Variants in AFG3L2 observed in about 807,000 individuals in gnomAD.
The protein encoded by AFG3L2 is AFG3 like matrix AAA peptidase subunit 2.
AFG3L2 carries 54 observed loss-of-function variants against 94.5 expected under a neutral mutation model. The ratio of observed to expected loss-of-function variants is 0.57; its 90% CI spans 0.46 to 0.72. AFG3L2 has a LOEUF of 0.72. Among genes scored for constraint, AFG3L2 ranks in the 30% least tolerant of loss-of-function variants. AFG3L2 has a pLI of 0.00. For synonymous variants in AFG3L2, 377 were observed against 365.5 expected (o/e 1.03, Z -0.36); for missense variants, 754 against 994.9 (o/e 0.76, Z 3.26).
intron 3 of AFG3L2, among the ~76,000 whole-genome samples, chr18:12,370,054 CAAA>C (rs796293157): frequency 2.8e-5 from 1 of 36,000 alleles, no homozygotes; most frequent in Non-Finnish European, 7.1e-5. Flanking sequence ...GACTCTGTCT[CAAA>C]AAAAAAAAAA....
In AFG3L2 at chr18:12,359,218, G is replaced by A. The variant is rs1908585048; in HGVS notation, c.753-275C>T. ...ATTAAAGACAACCCCCAAAGAAGAA[G>A]TTCTGATGAGAGAAGAATCACCTAA... is the stretch of plus-strand genomic sequence containing the variant. On this transcript the variant is annotated intron_variant, in intron 7 of 16. Coordinates refer to ENST00000269143, the MANE Select transcript of AFG3L2 (RefSeq NM_006796.3). Among the ~76,000 whole-genome samples the A allele has an allele frequency of 3.3e-5, 5 of 152,258 alleles. No homozygotes were observed. The South Asian group carries it at 8.3e-4, about 25-fold the overall frequency.
rs117182113 is a variant in AFG3L2, at chr18:12,329,645, G to T, written c.2314C>A (p.Leu772Ile). ...TTCCAGTCCTTAAGGCCTTCTGGAA[G>T]TGAGGTGTCCTCATCCAAGCTGCCA... ...GTGSLDEDTS[L>I]PEGLKDWNKE... The change falls in exon 17 of 17, where the codon CTT (leucine) becomes ATT (isoleucine). Residue 772 changes from leucine to isoleucine, a missense_variant. Coordinates refer to ENST00000269143, the MANE Select transcript of AFG3L2 (RefSeq NM_006796.3). 8.9e-5 allele frequency: 144 copies of T among 1,614,156 alleles called. No homozygotes were observed. Among genetic ancestry groups the T allele is most frequent in the Admixed American group, 5.0e-4 (30 of 60,014 alleles).
At chr18:12,376,815 C>A (rs1042328504) in intron 1 of AFG3L2, among the ~76,000 whole-genome samples, 154 bp downstream of exon 1, 2 of 152,238 alleles carry the variant, frequency 1.3e-5, no homozygotes, top group Non-Finnish European at 2.9e-5. Context: ...CTCCCGGGGC[C>A]GGCTGAGAGA....
intron 9 of AFG3L2, among the ~76,000 whole-genome samples, chr18:12,355,601 AATTTC>A (rs1908467554): frequency 6.6e-6 from 1 of 152,168 alleles, no homozygotes; most frequent in South Asian, 2.1e-4. Context: ...CATATTGTAT[AATTTC>A]ATTTACATGG....
intron 3 of AFG3L2, among the ~76,000 whole-genome samples, chr18:12,368,153 G>A (rs1047442868): frequency 2.0e-5 from 3 of 149,826 alleles, no homozygotes; most frequent in Non-Finnish European, 4.4e-5. Flanking sequence ...GGCAACAAGC[G>A]TGAAACTCCG....
chr18:12,369,726 A>AC (rs1568146436), intron 3 of AFG3L2, among the ~76,000 whole-genome samples: 1 of 148,910 alleles, frequency 6.7e-6, no homozygotes, highest in Admixed American at 6.7e-5. Flanking sequence ...AAAAAAAAAA[A>AC]GAAACTGAAT....
At chr18:12,337,589 A>C in intron 15 of AFG3L2, 54 bp from the exon 16 acceptor site, 1 of 1,563,840 alleles carries the variant, frequency 6.4e-7, no homozygotes, top group Non-Finnish European at 8.8e-7. Flanking sequence ...TAACCAGACA[A>C]AATCTACACA....
Position 12,348,228 on chromosome 18 carries a change from T to G in AFG3L2, c.1663+45A>C, listed in dbSNP as rs371926487. The G allele has an allele frequency of 4.2e-5, 64 of 1,523,164 alleles. No individual in the cohort carries two copies. The African/African-American group carries it at 7.8e-4, about 19-fold the overall frequency. The allele number at this position is 1,523,164 out of a possible 1,614,324, so 94.4% of individuals were successfully genotyped here. ...AACAGAGAAATCCCTGGCCTCAAAT[T>G]CATTTTATCAGCCTTTCCACTTGAG... is the stretch of plus-strand genomic sequence containing the variant. On this transcript the variant is annotated intron_variant, in intron 13 of 16. Coordinates refer to ENST00000269143, the MANE Select transcript of AFG3L2 (RefSeq NM_006796.3).
intron 10 of AFG3L2, 138 bp from the exon 11 acceptor site, chr18:12,351,551 T>TG: frequency 2.7e-6 from 2 of 728,470 alleles, no homozygotes; most frequent in African/African-American, 1.8e-5. Flanking sequence ...TGTTTTTTGT[T>TG]TTTTTTTTTT....
At chr18:12,348,464 T>C (rs1487563032) in intron 12 of AFG3L2, 81 bp from the exon 13 acceptor site, 3 of 1,066,484 alleles carry the variant, frequency 2.8e-6, no homozygotes, top group African/African-American at 1.6e-5. Flanking sequence ...GCCAAATCCA[T>C]AGTTAATTTT....
At position 12,329,774 on chromosome 18, in the gene AFG3L2, G is replaced by C. The variant is rs752028185; in HGVS notation, c.2185C>G (p.Leu729Val). Residue 729 changes from leucine (L) to valine (V), a missense_variant, in exon 17 of 17, where the codon CTG becomes GTG. Leu to Val is a conservative substitution (Grantham distance 32). Coordinates refer to ENST00000269143, the MANE Select transcript of AFG3L2 (RefSeq NM_006796.3). The part of the protein sequence containing the change: ...KKADVEKVAL[L>V]LLEKEVLDKN... Reference sequence around the variant, plus strand: ...TCTAATACTTCTTTTTCTAACAACAGAAGAGCAACCTGAAATATGAACAAT... The same window carrying C: ...TCTAATACTTCTTTTTCTAACAACACAAGAGCAACCTGAAATATGAACAAT... 2.7e-5 allele frequency: 44 copies of C among 1,613,318 alleles called. No homozygotes were observed. Among genetic ancestry groups the C allele is most frequent in the Non-Finnish European group, 3.6e-5 (42 of 1,179,310 alleles).
rs7229258 is a variant in AFG3L2 at position 12,348,000 on chromosome 18, C to T, written c.1663+273G>A. 0.11 allele frequency among the ~76,000 whole-genome samples: 16,716 copies of T among 152,210 alleles called. 1,062 individuals are homozygous for T. Among genetic ancestry groups the T allele is most frequent in the East Asian group, 0.22 (1,146 of 5,182 alleles). On this transcript the variant is annotated intron_variant, in intron 13 of 16. Coordinates refer to ENST00000269143, the MANE Select transcript of AFG3L2 (RefSeq NM_006796.3). Reference sequence around the variant, plus strand: ...GACACCTCGCTGCTGGCTGCCTGTGCAAGCAAAGCATTCGTGAGCTGCCAT... The same window carrying T: ...GACACCTCGCTGCTGGCTGCCTGTGTAAGCAAAGCATTCGTGAGCTGCCAT...
chr18:12,359,890 C>T (rs1205263642), intron 7 of AFG3L2, 37 bp downstream of exon 7: 4 of 1,610,888 alleles, frequency 2.5e-6, no homozygotes, highest in Non-Finnish European at 8.5e-7. Context: ...ACAGGCAGCA[C>T]AGTCAACAGT....
intron 14 of AFG3L2, chr18:12,343,664 C>G: frequency 5.3e-6 from 1 of 187,194 alleles, no homozygotes; most frequent in South Asian, 1.1e-4. Flanking sequence ...GAGATTTGGG[C>G]AGTTCCTGCT....
intron 13 of AFG3L2, among the ~76,000 whole-genome samples, chr18:12,346,123 T>C (rs1908126933): frequency 6.6e-6 from 1 of 152,190 alleles, no homozygotes; most frequent in Non-Finnish European, 1.5e-5. Flanking sequence ...CCCTCCAGCC[T>C]ACAGGTCCCT....
At chr18:12,376,881 G>T (rs1454568477) in intron 1 of AFG3L2, 88 bp downstream of exon 1, 1 of 1,057,542 alleles carries the variant, frequency 9.5e-7, no homozygotes, top group Non-Finnish European at 1.2e-6. Flanking sequence ...CCGGAGGGCG[G>T]GGGCCAGTGA....
chr18:12,363,300 T>C (rs978811051), intron 6 of AFG3L2, among the ~76,000 whole-genome samples: 2 of 152,122 alleles, frequency 1.3e-5, no homozygotes, highest in African/African-American at 4.8e-5. Flanking sequence ...TCCAGACTGG[T>C]TGGAGAGGAA....
intron 5 of AFG3L2, among the ~76,000 whole-genome samples, chr18:12,366,032 A>C (rs990998721): frequency 1.8e-4 from 27 of 151,832 alleles, no homozygotes; most frequent in African/African-American, 6.3e-4. Context: ...GTGCCACCAC[A>C]CCCGGCTAAT....
chr18:12,355,567 A>G (rs1048212510), intron 9 of AFG3L2, among the ~76,000 whole-genome samples: 1 of 152,234 alleles, frequency 6.6e-6, no homozygotes, highest in Non-Finnish European at 1.5e-5. Flanking sequence ...TGTTAAGTGA[A>G]AGAAATCAGG....
Sources: gnomAD v4.1 joint callset for allele counts (sites outside exome capture counted in the v4.1 genomes callset) on GRCh38, gnomAD v4.1.1 for gene constraint, MANE v1.5 for transcripts, NCBI Gene and HGNC (gene_info 2026-07-23, HGNC 2026-07-21) for gene names.